Variants in LMAN1 observed in about 807,000 individuals in gnomAD.
The protein encoded by LMAN1 is protein ERGIC-53.
LMAN1 carries 32 observed loss-of-function variants against 67.8 expected under a neutral mutation model. The observed-to-expected ratio is 0.47, with a 90% CI of 0.36 to 0.63. The LOEUF (loss-of-function observed/expected upper bound fraction) is 0.63, where lower values mean the gene tolerates loss of function less well. Ranked by LOEUF, LMAN1 falls within the 30% of genes least tolerant of loss-of-function variation. LMAN1 has a pLI of 0.00. For missense variants in LMAN1, 632 were observed against 628.2 expected, an observed-to-expected ratio of 1.01 and a Z score of -0.06; for synonymous variants, 235 against 219.3, an observed-to-expected ratio of 1.07 and a Z score of -0.63.
At position 59,331,026 on chromosome 18, in the gene LMAN1, T is replaced by C. The variant is rs1417542974; in HGVS notation, c.*67A>G. On this transcript the variant is annotated 3_prime_UTR_variant, in exon 13 of 13. Transcript: ENST00000251047. ...AATTTAGACTATGAAGCAATTTAAA[T>C]ACTTAAATTCCCTCAAAACGACATC... The C allele has an allele frequency of 6.7e-6, 7 of 1,042,108 alleles. No homozygotes were observed. In the African/African-American group the frequency reaches 9.6e-5, roughly 14 times the overall value. 64.6% of individuals were successfully genotyped at this position (1,042,108 alleles called of 1,614,324 possible).
At position 59,359,239 on chromosome 18, in the gene LMAN1, C is replaced by G. The variant is rs750016137; in HGVS notation, c.6G>C (p.Ala2=). The G allele has an allele frequency of 6.2e-7, 1 of 1,613,590 alleles. No individual in the cohort carries two copies. The highest frequency in any genetic ancestry group is 1.7e-5 in the Admixed American group (1 of 59,986). M[A]GSRQRGLRAR... ...CCCGGAGACCCCTTTGCCTGGATCC[C>G]GCCATCTTGGATTCTGGAACGCGGA... Residue 2 remains alanine, a synonymous_variant, in exon 1 of 13, where the codon GCG becomes GCC. Transcript: ENST00000251047.
At chr18:59,336,199 C>G (rs745606966) in intron 10 of LMAN1, among the ~76,000 whole-genome samples, 1 of 152,108 alleles carries the variant, frequency 6.6e-6, no homozygotes, top group Non-Finnish European at 1.5e-5. Flanking sequence ...GGTAACGGCA[C>G]CGCGGTAGTA....
chr18:59,351,608 C>A (rs1254708242), intron 5 of LMAN1: 2 of 152,182 alleles, frequency 1.3e-5, no homozygotes, highest in Non-Finnish European at 2.9e-5. Context: ...TATAAAGGAT[C>A]CTTCATAAAG....
chr18:59,353,491 T>C (rs1025611685), intron 4 of LMAN1, among the ~76,000 whole-genome samples, 190 bp from the exon 5 acceptor site: 2 of 152,186 alleles, frequency 1.3e-5, no homozygotes, highest in Non-Finnish European at 2.9e-5. Context: ...CATGAATCAC[T>C]CTCTGGGCTT....
In LMAN1 at chr18:59,328,487, G is replaced by T. The variant is rs1174358302; in HGVS notation, c.*2606C>A. Reference sequence around the variant, plus strand: ...CATTAAGTAAATTGTAGGTATAAAAGAATCAGTGCATATCTGTTAATGTCA... The same window carrying T: ...CATTAAGTAAATTGTAGGTATAAAATAATCAGTGCATATCTGTTAATGTCA... On this transcript the variant is annotated 3_prime_UTR_variant, in exon 13 of 13. Coordinates refer to ENST00000251047, the MANE Select transcript of LMAN1 (RefSeq NM_005570.4). 2 of 152,136 alleles carry T rather than the reference G, an allele frequency of 1.3e-5. No individual in the cohort carries two copies. The highest frequency in any genetic ancestry group is 2.9e-5 in the Non-Finnish European group (2 of 68,022). 9.4% of individuals were successfully genotyped at this position (152,136 alleles called of 1,614,324 possible).
At chr18:59,346,978 C>G (rs986404604) in intron 7 of LMAN1, among the ~76,000 whole-genome samples, 1 of 151,830 alleles carries the variant, frequency 6.6e-6, no homozygotes, top group Non-Finnish European at 1.5e-5. Flanking sequence ...CACCTGTAAT[C>G]CCAGCACTTT....
intron 8 of LMAN1, among the ~76,000 whole-genome samples, chr18:59,339,444 T>G (rs1286428166): frequency 1.3e-5 from 2 of 151,818 alleles, no homozygotes; most frequent in African/African-American, 4.8e-5. Context: ...TGGGAAACAG[T>G]AAGAGAGAAA....
chr18:59,350,286 T>A (rs577402481), intron 5 of LMAN1, among the ~76,000 whole-genome samples: 2 of 152,334 alleles, frequency 1.3e-5, no homozygotes, highest in Non-Finnish European at 2.9e-5. Flanking sequence ...TCATTTTACA[T>A]CATTTACAAC....
At chr18:59,352,370 T>A (rs1908562459) in intron 5 of LMAN1, among the ~76,000 whole-genome samples, 3 of 152,208 alleles carry the variant, frequency 2.0e-5, no homozygotes, top group Admixed American at 6.5e-5. Context: ...CTAAGAATAC[T>A]GGGACCTAAG....
At chr18:59,336,081 G>A (rs1229267788) in intron 10 of LMAN1, among the ~76,000 whole-genome samples, 3 of 152,150 alleles carry the variant, frequency 2.0e-5, no homozygotes, top group Non-Finnish European at 4.4e-5. Context: ...ATAATCTCAT[G>A]GTTTAACACA....
At chr18:59,338,082 A>G (rs1383405103) in intron 10 of LMAN1, among the ~76,000 whole-genome samples, 1 of 152,212 alleles carries the variant, frequency 6.6e-6, no homozygotes, top group Non-Finnish European at 1.5e-5. Flanking sequence ...AGTCTCTCTG[A>G]GAGTAAAAGA....
At chr18:59,344,339 T>A (rs1222268051) in intron 8 of LMAN1, among the ~76,000 whole-genome samples, 1 of 152,140 alleles carries the variant, frequency 6.6e-6, no homozygotes, top group African/African-American at 2.4e-5. Context: ...ATACTTGCAC[T>A]TATACGTTTA....
rs989572329 is a variant in LMAN1, at chr18:59,330,516, T to G, written c.*577A>C. 1 of 152,478 alleles carries G rather than the reference T, an allele frequency of 6.6e-6. No individual in the cohort carries two copies. Among genetic ancestry groups the G allele is most frequent in the African/African-American group, 2.4e-5 (1 of 41,404 alleles). 9.4% of individuals were successfully genotyped at this position (152,478 alleles called of 1,614,324 possible). A position where few individuals can be genotyped will look rare whatever the true frequency, so the allele number is the denominator to read the frequency against. ...AAAAGTGAAATATATCATTGATAAA[T>G]AGAGGAAAAAAAAATTTCACTTAAC... On this transcript the variant is annotated 3_prime_UTR_variant, in exon 13 of 13. Transcript: ENST00000251047.
intron 11 of LMAN1, chr18:59,331,779 T>C: frequency 2.0e-6 from 1 of 488,382 alleles, no homozygotes; most frequent in Non-Finnish European, 3.7e-6. Flanking sequence ...CTGGCTCCTG[T>C]CTGCATTACA....
At chr18:59,357,137 T>C (rs1465216415) in intron 1 of LMAN1, among the ~76,000 whole-genome samples, 3 of 152,190 alleles carry the variant, frequency 2.0e-5, no homozygotes, top group Non-Finnish European at 2.9e-5. Context: ...AAGCAAGGGA[T>C]GTCTATAGCA....
At chr18:59,333,422 G>A (rs1436048798) in intron 10 of LMAN1, 178 bp from the exon 11 acceptor site, 12 of 567,956 alleles carry the variant, frequency 2.1e-5, no homozygotes, top group African/African-American at 7.6e-5. Flanking sequence ...TTTATAAAAC[G>A]ACATTATGCC....
intron 6 of LMAN1, 38 bp from the exon 7 acceptor site, chr18:59,347,609 T>A (rs8095115): frequency 7.6e-7 from 1 of 1,308,264 alleles, no homozygotes; most frequent in African/African-American, 1.5e-5. Context: ...AAAAGTTCCA[T>A]AGGAGATTAC....
intron 6 of LMAN1, among the ~76,000 whole-genome samples, chr18:59,348,022 C>G (rs1355599848): frequency 1.3e-5 from 2 of 152,200 alleles, no homozygotes; most frequent in Admixed American, 6.5e-5. Flanking sequence ...GTCTCTGAAC[C>G]TTTCTTAAGA....
intron 10 of LMAN1, among the ~76,000 whole-genome samples, chr18:59,337,168 ATATAAT>A (rs1287492070): frequency 6.7e-6 from 1 of 148,280 alleles, no homozygotes; most frequent in Non-Finnish European, 1.5e-5. Flanking sequence ...ATAATAATAT[ATATAAT>A]TATATTATAT....
Sources: allele counts gnomAD v4.1 joint callset (sites outside exome capture counted in the v4.1 genomes callset), GRCh38; gene constraint gnomAD v4.1.1; transcripts MANE v1.5; gene names NCBI Gene and HGNC (gene_info 2026-07-23, HGNC 2026-07-21).